The following ZPBP2 variants were observed in gnomAD, a reference collection of about 807,000 sequenced individuals.
The protein encoded by ZPBP2 is zona pellucida-binding protein 2.
A neutral mutation model predicts 37.5 loss-of-function variants in ZPBP2; 34 were observed. The ratio of observed to expected loss-of-function variants is 0.91; its 90% CI spans 0.69 to 1.21. The LOEUF (loss-of-function observed/expected upper bound fraction) is 1.21. Ranked by LOEUF, ZPBP2 falls within the 50% of genes most tolerant of loss-of-function variation. ZPBP2 has a pLI of 0.00. For missense variants in ZPBP2, 397 were observed against 413.5 expected (o/e 0.96, Z 0.35); for synonymous variants, 143 against 138.4 (o/e 1.03, Z -0.23).
Position 39,876,888 on chromosome 17 carries a change from C to T in ZPBP2, c.*79C>T, listed in dbSNP as rs987508332. Reference sequence around the variant, plus strand: ...ACATCCCAGAGCATCATAGATAGTTCCATTAAGTAAAATCAGTAAGACCAA... The same window carrying T: ...ACATCCCAGAGCATCATAGATAGTTTCATTAAGTAAAATCAGTAAGACCAA... On this transcript the variant is annotated 3_prime_UTR_variant, in exon 8 of 8. Transcript: ENST00000348931. The T allele has an allele frequency of 6.4e-7, 1 of 1,555,164 alleles. No individual in the cohort carries two copies. Among genetic ancestry groups the T allele is most frequent in the Non-Finnish European group, 8.8e-7 (1 of 1,139,238 alleles).
chr17:39,875,949 TGCA>T (rs2063388838), intron 7 of ZPBP2, among the ~76,000 whole-genome samples: 1 of 51,312 alleles, frequency 1.9e-5, no homozygotes, highest in Non-Finnish European at 5.0e-5. Flanking sequence ...CAGGCTGCAG[TGCA>T]GTGTGCAGTG....
chr17:39,869,477 T>C (rs1220829170), intron 2 of ZPBP2, among the ~76,000 whole-genome samples: 1 of 146,070 alleles, frequency 6.8e-6, no homozygotes, highest in Non-Finnish European at 1.5e-5. Context: ...CAATCTTGGC[T>C]CACTGGAACC....
chr17:39,873,102 T>C lies in ZPBP2; in HGVS notation c.684T>C (p.Asp228=). Residue 228 remains aspartate (D), a synonymous_variant, in exon 6 of 8, where the codon GAT becomes GAC. Transcript: ENST00000348931. ...GACNGSVDCE[D]TTNHNILQAR... ...GCAATGGATCTGTTGACTGTGAAGA[T>C]ACCACTAATCATAATATCCTCCAGG... The C allele has an allele frequency of 1.2e-6, 2 of 1,611,584 alleles. No individual in the cohort carries two copies. Among genetic ancestry groups the C allele is most frequent in the Non-Finnish European group, 1.7e-6 (2 of 1,179,006 alleles).
chr17:39,869,402 CTTCT>C (rs1467792254), intron 2 of ZPBP2, among the ~76,000 whole-genome samples: 10 of 142,374 alleles, frequency 7.0e-5, no homozygotes, highest in African/African-American at 2.7e-4. Context: ...TCCTTCCTTC[CTTCT>C]TTTTTTTTTT....
chr17:39,873,215 C>T (rs1715355646), intron 6 of ZPBP2, 89 bp downstream of exon 6: 1 of 1,123,200 alleles, frequency 8.9e-7, no homozygotes, highest in Non-Finnish European at 1.3e-6. Flanking sequence ...GTGGTGCGAC[C>T]ATAGCTCACT....
At chr17:39,868,479 G>T in intron 1 of ZPBP2, 70 bp from the exon 2 acceptor site, 1 of 1,612,752 alleles carries the variant, frequency 6.2e-7, no homozygotes, top group Non-Finnish European at 8.5e-7. Flanking sequence ...CCTTCGCCTC[G>T]CCCTGCCCTG....
chr17:39,870,541 T>G (rs1020031010), intron 2 of ZPBP2, among the ~76,000 whole-genome samples, 153 bp from the exon 3 acceptor site: 7 of 152,366 alleles, frequency 4.6e-5, no homozygotes, highest in African/African-American at 1.7e-4. Context: ...AAAAAGGACT[T>G]CAGACGAGCG....
chr17:39,870,170 G>A (rs995042248), intron 2 of ZPBP2, among the ~76,000 whole-genome samples: 1 of 151,898 alleles, frequency 6.6e-6, no homozygotes, highest in African/African-American at 2.4e-5. Context: ...CAGCCTCCCG[G>A]GTAGCTGGGA....
chr17:39,870,859 A>T (rs772794403), intron 3 of ZPBP2, 40 bp downstream of exon 3: 8 of 1,411,758 alleles, frequency 5.7e-6, no homozygotes, highest in Admixed American at 4.7e-5. Context: ...AATGATGTGA[A>T]CATATTTTTA....
intron 6 of ZPBP2, among the ~76,000 whole-genome samples, chr17:39,874,521 C>T (rs922107938): frequency 6.6e-5 from 10 of 152,148 alleles, no homozygotes; most frequent in Non-Finnish European, 1.5e-4. Context: ...CAACCTCTGC[C>T]TCTGGATTCA....
In ZPBP2 at chr17:39,872,364, G is replaced by A. The variant is rs1487510671; in HGVS notation, c.501G>A (p.Leu167=). 2.5e-6 allele frequency: 4 copies of A among 1,613,198 alleles called. No homozygotes were observed. Among genetic ancestry groups the A allele is most frequent in the East Asian group, 2.2e-5 (1 of 44,764 alleles). ...ACAATGATGTATTCTTTAGAGTGCT[G>A]AAGAAAATCTTGGATAGTCTAATTT... is the stretch of plus-strand genomic sequence containing the variant. ...GRYNDVFFRV[L]KKILDSLISD... The change falls in exon 5 of 8, where the codon CTG becomes CTA. Residue 167 remains leucine (L), a synonymous_variant. Transcript: ENST00000348931.
intron 2 of ZPBP2, among the ~76,000 whole-genome samples, chr17:39,869,856 G>A (rs2063354995): frequency 6.6e-6 from 1 of 151,498 alleles, no homozygotes; most frequent in Admixed American, 6.6e-5. Context: ...GGGATTACAG[G>A]GGCCCACCAC....
At position 39,875,381 on chromosome 17, in the gene ZPBP2, G is replaced by A. The variant is rs141896432; in HGVS notation, c.836G>A (p.Arg279Gln). 1.1e-4 allele frequency: 184 copies of A among 1,613,490 alleles called. 1 individual carries two copies. The highest frequency in any genetic ancestry group is 1.5e-4 in the Non-Finnish European group (175 of 1,179,878). Reference protein sequence around the residue: ...SLQVVRLDSCRPGFGKNERLH... With the variant: ...SLQVVRLDSCQPGFGKNERLH... ...CAAGTAGTACGTCTGGATAGCTGTCGACCAGGCTTTGGAAAAAATGAACGT... is the reference window on the plus strand; with the variant it reads ...CAAGTAGTACGTCTGGATAGCTGTCAACCAGGCTTTGGAAAAAATGAACGT... The change falls in exon 7 of 8, where the codon CGA becomes CAA. Residue 279 changes from arginine (R) to glutamine (Q), a missense_variant. Arg to Gln is a conservative substitution (Grantham distance 43). Transcript: ENST00000348931.
At chr17:39,869,257 A>G (rs762246510) in intron 2 of ZPBP2, among the ~76,000 whole-genome samples, 6 of 152,204 alleles carry the variant, frequency 3.9e-5, no homozygotes, top group Non-Finnish European at 7.3e-5. Context: ...CCACCAAACC[A>G]GAAACAAGAA....
chr17:39,875,604 T>G (rs59716545), intron 7 of ZPBP2, among the ~76,000 whole-genome samples, 170 bp downstream of exon 7: 53,939 of 151,328 alleles, frequency 0.36, 10,988 homozygotes, highest in Non-Finnish European at 0.45. Flanking sequence ...TTTTTTTTTT[T>G]TTTGTTTTTT....
At chr17:39,870,664 G>T (rs1347767548) in intron 2 of ZPBP2, 30 bp from the exon 3 acceptor site, 21 of 1,277,388 alleles carry the variant, frequency 1.6e-5, no homozygotes, top group Non-Finnish European at 2.2e-5. Context: ...GCTATATAAT[G>T]TAGTTATACA....
intron 2 of ZPBP2, among the ~76,000 whole-genome samples, chr17:39,870,040 A>G (rs1598261759): frequency 6.6e-6 from 1 of 150,580 alleles, no homozygotes; most frequent in Non-Finnish European, 1.5e-5. Context: ...GTTATGCTGA[A>G]GTCTTTTTCT....
intron 7 of ZPBP2, among the ~76,000 whole-genome samples, chr17:39,876,344 G>A (rs988929745): frequency 5.9e-5 from 9 of 152,088 alleles, no homozygotes; most frequent in Non-Finnish European, 8.8e-5. Context: ...AAAACAGAAT[G>A]GTCCTACCTG....
chr17:39,870,722 T>C lies in ZPBP2; in HGVS notation c.147T>C (p.Asn49=). The C allele has an allele frequency of 1.3e-6, 2 of 1,485,214 alleles. No homozygotes were observed. Among genetic ancestry groups the C allele is most frequent in the South Asian group, 1.4e-5 (1 of 70,182 alleles). The allele number at this position is 1,485,214 out of a possible 1,614,324, so 92.0% of individuals were successfully genotyped here. A position where few individuals can be genotyped will look rare whatever the true frequency, so the allele number is the denominator to read the frequency against. The stretch of plus-strand genomic sequence containing the variant: ...AAATATATGTAGAGTTACATCAAAA[T>C]AGTCCAGTCCTTATCTGTATGGATT... The part of the protein sequence containing the change: ...PDKIYVELHQ[N]SPVLICMDFK... Residue 49 remains asparagine, a synonymous_variant, in exon 3 of 8, where the codon AAT becomes AAC. Transcript: ENST00000348931.
Sources: gnomAD v4.1 joint callset for allele counts (sites outside exome capture counted in the v4.1 genomes callset) on GRCh38, gnomAD v4.1.1 for gene constraint, MANE v1.5 for transcripts, NCBI Gene and HGNC (gene_info 2026-07-23, HGNC 2026-07-21) for gene names.